The following RORA variants were observed in gnomAD, a reference collection of about 807,000 sequenced individuals.
RORA encodes the protein RAR related orphan receptor A.
In RORA, 7 loss-of-function variants were observed where a neutral mutation model predicts 69.5. The observed-to-expected ratio is 0.10, with a 90% CI of 0.06 to 0.19. The LOEUF is 0.19. Ranked by LOEUF, RORA falls within the 10% of genes least tolerant of loss-of-function variation. The pLI, the probability that RORA is intolerant of heterozygous loss-of-function variation, is 1.00. For synonymous variants in RORA, 261 were observed against 240.8 expected (o/e 1.08, Z -0.78); for missense variants, 457 against 663.0 (o/e 0.69, Z 3.41).
intron 1 of RORA, among the ~76,000 whole-genome samples, chr15:60,720,427 C>T (rs1293153595): frequency 1.3e-5 from 2 of 152,190 alleles, no homozygotes; most frequent in Non-Finnish European, 2.9e-5. Context: ...CCCAGACTGT[C>T]CAATAAAAAT....
At chr15:60,523,350 A>G (rs1285776483) in intron 3 of RORA, among the ~76,000 whole-genome samples, 1 of 152,260 alleles carries the variant, frequency 6.6e-6, no homozygotes, top group East Asian at 1.9e-4. Context: ...GTAGGAGTTC[A>G]GCAAAAATCA....
chr15:61,082,185 G>A (rs925803480), intron 1 of RORA, among the ~76,000 whole-genome samples: 1 of 152,068 alleles, frequency 6.6e-6, no homozygotes, highest in African/African-American at 2.4e-5. Flanking sequence ...TCAACCAAAC[G>A]CAGATCAAAA....
At chr15:60,708,670 C>T (rs1196704637) in intron 1 of RORA, among the ~76,000 whole-genome samples, 1 of 152,148 alleles carries the variant, frequency 6.6e-6, no homozygotes, top group African/African-American at 2.4e-5. Flanking sequence ...CTTCCCCTCC[C>T]TCCCAAGCCT....
intron 1 of RORA, among the ~76,000 whole-genome samples, chr15:60,909,844 T>C (rs1383052110): frequency 1.3e-5 from 2 of 152,212 alleles, no homozygotes; most frequent in Non-Finnish European, 1.5e-5. Context: ...TTTTACAAGG[T>C]GGTCTGGAAT....
chr15:60,755,632 C>G (rs1159107326), intron 1 of RORA, among the ~76,000 whole-genome samples: 1 of 152,086 alleles, frequency 6.6e-6, no homozygotes, highest in Non-Finnish European at 1.5e-5. Flanking sequence ...TTCTCCACAT[C>G]CTCTCCAGCA....
chr15:61,007,828 T>TTA (rs1270239528), intron 1 of RORA, among the ~76,000 whole-genome samples: 1 of 148,364 alleles, frequency 6.7e-6, no homozygotes, highest in Non-Finnish European at 1.5e-5. Context: ...TATTACATAT[T>TTA]TATATATATA....
chr15:61,104,467 T>C (rs190429512), intron 1 of RORA, among the ~76,000 whole-genome samples: 1 of 152,280 alleles, frequency 6.6e-6, no homozygotes, highest in African/African-American at 2.4e-5. Context: ...TCAGAATTTG[T>C]TACCACCAGC....
chr15:61,214,233 T>C lies in RORA; in HGVS notation c.166+14820A>G, dbSNP rs897772725. 3 of 152,234 alleles carry C rather than the reference T, an allele frequency of 2.0e-5. No homozygotes were observed. The East Asian group carries it at 5.8e-4, about 29-fold the overall frequency. 9.4% of individuals were successfully genotyped at this position (152,234 alleles called of 1,614,324 possible). ...AATAAAGAGATGTTGTCAAACGCCATGACAATTTTCATTAAAACATTTTAT... is the reference window on the plus strand; with the variant it reads ...AATAAAGAGATGTTGTCAAACGCCACGACAATTTTCATTAAAACATTTTAT... On this transcript the variant is annotated intron_variant, in intron 1 of 10. Coordinates refer to ENST00000335670, the MANE Select transcript of RORA (RefSeq NM_134261.3).
chr15:61,132,662 CA>C (rs2079201736), intron 1 of RORA, among the ~76,000 whole-genome samples: 1 of 152,166 alleles, frequency 6.6e-6, no homozygotes, highest in African/African-American at 2.4e-5. Flanking sequence ...GAATTTCCTT[CA>C]GCTTTTACAC....
At chr15:61,124,881 C>G (rs1448461311) in intron 1 of RORA, among the ~76,000 whole-genome samples, 1 of 152,156 alleles carries the variant, frequency 6.6e-6, no homozygotes, top group Non-Finnish European at 1.5e-5. Flanking sequence ...CTGTAATCCC[C>G]TTTTTATTCC....
intron 1 of RORA, among the ~76,000 whole-genome samples, chr15:60,945,944 G>A (rs1330657748): frequency 1.3e-5 from 2 of 152,162 alleles, no homozygotes; most frequent in African/African-American, 4.8e-5. Context: ...CCAGCAGCTG[G>A]GCAGACTGAC....
intron 1 of RORA, among the ~76,000 whole-genome samples, chr15:60,790,425 C>T (rs1163238142): frequency 2.6e-5 from 4 of 152,184 alleles, no homozygotes; most frequent in Non-Finnish European, 5.9e-5. Flanking sequence ...GATGGAGAGG[C>T]TAGTGGAAAG....
chr15:60,686,643 A>T (rs2162068), intron 1 of RORA: 152,288 of 152,368 alleles, frequency 1, 76,104 homozygotes, highest in Non-Finnish European at 1. Context: ...TCAGCAGCTT[A>T]CACCATGCTT....
intron 2 of RORA, among the ~76,000 whole-genome samples, chr15:60,654,063 A>G (rs1268658361): frequency 6.6e-6 from 1 of 152,184 alleles, no homozygotes. Flanking sequence ...CTCTTTAGAT[A>G]GCTGGGATTT....
chr15:60,592,166 C>A (rs1308250725), intron 2 of RORA, among the ~76,000 whole-genome samples: 1 of 151,976 alleles, frequency 6.6e-6, no homozygotes, highest in African/African-American at 2.4e-5. Context: ...GGGGGATCCA[C>A]CCCGTGCGCC....
chr15:61,001,081 G>A (rs1183442476), intron 1 of RORA, among the ~76,000 whole-genome samples: 2 of 152,132 alleles, frequency 1.3e-5, no homozygotes, highest in Non-Finnish European at 2.9e-5. Flanking sequence ...TTATTATTGG[G>A]CAAATGTCTA....
intron 1 of RORA, among the ~76,000 whole-genome samples, chr15:60,758,716 A>C (rs975687605): frequency 3.3e-5 from 5 of 152,210 alleles, no homozygotes; most frequent in African/African-American, 1.2e-4. Flanking sequence ...CCATCGGTAC[A>C]TAAGAAAAGA....
At chr15:61,137,019 A>AAAAGAAAGAAAGAAAGAAAGAAAG (rs551072168) in intron 1 of RORA, among the ~76,000 whole-genome samples, 27 of 61,172 alleles carry the variant, frequency 4.4e-4, no homozygotes, top group East Asian at 2.2e-3. Flanking sequence ...AAATAAATAA[A>AAAAGAAAGAAAGAAAGAAAGAAAG]AAAGAAAGAA....
Position 60,665,195 on chromosome 15 carries a change from T to A in RORA, c.196+13462A>T, listed in dbSNP as rs28507264. On this transcript the variant is annotated intron_variant, in intron 2 of 10. Transcript: ENST00000335670. ...ATCTACTTCAGAAACTGTTAAACAT[T>A]TTAGGATTACTTTTTCTTCTCTAGA... is the stretch of plus-strand genomic sequence containing the variant. Among the ~76,000 whole-genome samples, 550 of 152,322 alleles carry A rather than the reference T, an allele frequency of 3.6e-3. 4 individuals are homozygous for A. The highest frequency in any genetic ancestry group is 0.013 in the African/African-American group (523 of 41,564).
Sources: gnomAD v4.1 joint callset for allele counts (sites outside exome capture counted in the v4.1 genomes callset) on GRCh38, gnomAD v4.1.1 for gene constraint, MANE v1.5 for transcripts, NCBI Gene and HGNC (gene_info 2026-07-23, HGNC 2026-07-21) for gene names.